The following GGA1 variants were observed in gnomAD, a reference collection of about 807,000 sequenced individuals.
GGA1 encodes ADP-ribosylation factor-binding protein GGA1.
Under a neutral mutation model 76.9 loss-of-function variants are expected in GGA1, and 18 were observed. The observed-to-expected ratio is 0.23, with a 90% CI of 0.16 to 0.35. The LOEUF is 0.35. Among genes scored for constraint, GGA1 ranks in the 10% least tolerant of loss-of-function variants. GGA1 has a pLI of 1.00. For synonymous variants in GGA1, 342 were observed against 354.7 expected (o/e 0.96, Z 0.40); for missense variants, 755 against 859.0 (o/e 0.88, Z 1.51).
At chr22:37,612,348 T>G (rs915540911) in intron 1 of GGA1, among the ~76,000 whole-genome samples, 1 of 148,192 alleles carries the variant, frequency 6.7e-6, no homozygotes, top group African/African-American at 2.5e-5. Context: ...GGCGGGCACC[T>G]GTAGTCCCAG....
At chr22:37,612,327 C>T (rs1927808402) in intron 1 of GGA1, among the ~76,000 whole-genome samples, 1 of 148,028 alleles carries the variant, frequency 6.8e-6, no homozygotes, top group Non-Finnish European at 1.5e-5. Flanking sequence ...AAAAAATTAG[C>T]CGGGCGTGGT....
In GGA1 at chr22:37,616,990, C is replaced by T. The variant is rs1415654124; in HGVS notation, c.197C>T (p.Ala66Val). The T allele has an allele frequency of 6.2e-7, 1 of 1,605,732 alleles. No individual in the cohort carries two copies. Among genetic ancestry groups the T allele is most frequent in the South Asian group, 1.1e-5 (1 of 89,458 alleles). ...CCACAGGAGTGGGAGGCGATCCAGGCCTTGACGGTGAGAAGGGGAGAGGCC... is the reference window on the plus strand; with the variant it reads ...CCACAGGAGTGGGAGGCGATCCAGGTCTTGACGGTGAGAAGGGGAGAGGCC... Reference protein sequence around the residue: ...QSPQEWEAIQALTVLETCMKS... With the variant: ...QSPQEWEAIQVLTVLETCMKS... Residue 66 changes from alanine (A) to valine (V), a missense_variant, in exon 3 of 17, where the codon GCC becomes GTC. By Grantham distance (64) the Ala-to-Val change is moderately conservative (BLOSUM62 0). Transcript: ENST00000343632.
At chr22:37,629,397 C>A in intron 11 of GGA1, 65 bp from the exon 12 acceptor site, 1 of 1,151,474 alleles carries the variant, frequency 8.7e-7, no homozygotes, top group Non-Finnish European at 1.3e-6. Flanking sequence ...ACACATGGCC[C>A]CTCGGCTCTC....
intron 4 of GGA1, 76 bp downstream of exon 4, chr22:37,618,622 G>A: frequency 1.1e-6 from 1 of 906,426 alleles, no homozygotes; most frequent in Non-Finnish European, 1.8e-6. Context: ...AGATTGTGGA[G>A]CGACTTTTCC....
rs747962929 is a variant in GGA1 at position 37,616,982 on chromosome 22, G to T, written c.189G>T (p.Ala63=). Residue 63 remains alanine (A), a synonymous_variant, in exon 3 of 17, where the codon GCG becomes GCT. Coordinates refer to ENST00000343632, the MANE Select transcript of GGA1 (RefSeq NM_013365.5). ...TCCAGTCCCCACAGGAGTGGGAGGC[G>T]ATCCAGGCCTTGACGGTGAGAAGGG... is the stretch of plus-strand genomic sequence containing the variant. ...HKIQSPQEWE[A]IQALTVLETC... is the part of the protein sequence containing the mutation. 1.9e-6 allele frequency: 3 copies of T among 1,607,620 alleles called. No homozygotes were observed. The highest frequency in any genetic ancestry group is 1.7e-6 in the Non-Finnish European group (2 of 1,177,110).
In GGA1 at chr22:37,630,913, C is replaced by A; in HGVS notation, c.1342C>A (p.Gln448Lys). The change falls in exon 14 of 17, where the codon CAG becomes AAG. Residue 448 changes from glutamine to lysine, a missense_variant. Coordinates refer to ENST00000343632, the MANE Select transcript of GGA1 (RefSeq NM_013365.5). ...TGTCCCCCGATTAAGGGAGAAGCAG[C>A]AGCCAACCCCCCGGCTCACACTCCG... ...ESQQVRWEKQQPTPRLTLRDL... is the reference protein window; with the variant it reads ...ESQQVRWEKQKPTPRLTLRDL... 1 of 1,610,416 alleles carries A rather than the reference C, an allele frequency of 6.2e-7. No homozygotes were observed. Among genetic ancestry groups the A allele is most frequent in the Non-Finnish European group, 8.5e-7 (1 of 1,178,640 alleles).
In GGA1 at chr22:37,624,204, C is replaced by G; in HGVS notation, c.832+571C>G. 6.2e-6 allele frequency: 1 copy of G among 162,226 alleles called. No homozygotes were observed. The highest frequency in any genetic ancestry group is 1.4e-5 in the Non-Finnish European group (1 of 72,764). 10.0% of individuals were successfully genotyped at this position (162,226 alleles called of 1,614,324 possible). ...AGCCCCACCCACAAGGCTCACTGCC[C>G]AGATTGCCCCACACCCTGGCACCTG... On this transcript the variant is annotated intron_variant, in intron 9 of 16. Transcript: ENST00000343632. This position sits in a 1 kb window ranked among gnomAD's most constrained non-coding sequence, Gnocchi z 4.3.
Position 37,632,300 on chromosome 22 carries a change from C to A in GGA1, c.1699-105C>A, listed in dbSNP as rs1931961961. 6 of 1,299,452 alleles carry A rather than the reference C, an allele frequency of 4.6e-6. No homozygotes were observed. In the Admixed American group the frequency reaches 5.4e-5, roughly 12 times the overall value. The allele number at this position is 1,299,452 out of a possible 1,614,324, so 80.5% of individuals were successfully genotyped here. ...GTTGGTGTAGAAGGGACCAGAAGGA[C>A]TGAGCCCCAGGATCCCCGGAGGGGA... On this transcript the variant is annotated intron_variant, in intron 15 of 16. Transcript: ENST00000343632. This position sits in a 1 kb window ranked among gnomAD's most constrained non-coding sequence, Gnocchi z 5.1.
rs1366482027 is a variant in GGA1, at chr22:37,622,703, G to A, written c.610-624G>A. The stretch of plus-strand genomic sequence containing the variant: ...TGCTGAAAAAAAAGTTTCAAAGCTG[G>A]ATGTGGTGGCTCATGCCTGTAATCC... On this transcript the variant is annotated intron_variant, in intron 7 of 16. Transcript: ENST00000343632. Among the ~76,000 whole-genome samples, 3 of 152,350 alleles carry A rather than the reference G, an allele frequency of 2.0e-5. No homozygotes were observed. The East Asian group carries it at 5.8e-4, about 29-fold the overall frequency.
rs183234946 is a variant in GGA1 at position 37,619,035 on chromosome 22, C to G, written c.303+489C>G. On this transcript the variant is annotated intron_variant, in intron 4 of 16. Coordinates refer to ENST00000343632, the MANE Select transcript of GGA1 (RefSeq NM_013365.5). ...CAGACGGGCCATCCCCGGCTCAGCC[C>G]AAGGAGTCTTCCCACAGACCATGAA... Among the ~76,000 whole-genome samples the G allele has an allele frequency of 5.9e-4, 90 of 152,322 alleles. No individual in the cohort carries two copies. The East Asian group carries it at 0.015, about 26-fold the overall frequency.
At chr22:37,618,773 G>C (rs80204856) in intron 4 of GGA1, among the ~76,000 whole-genome samples, 2,926 of 152,344 alleles carry the variant, frequency 0.019, 101 homozygotes, top group African/African-American at 0.067. Flanking sequence ...AGGCTGGCCA[G>C]GGGCGGGGCA....
chr22:37,627,975 T>G (rs1931143966), intron 11 of GGA1, among the ~76,000 whole-genome samples: 2 of 152,258 alleles, frequency 1.3e-5, no homozygotes, highest in African/African-American at 4.8e-5. Context: ...TACAGGTGTG[T>G]GCCACCACAC....
intron 7 of GGA1, 54 bp downstream of exon 7, chr22:37,621,750 G>T: frequency 1.6e-6 from 2 of 1,225,478 alleles, no homozygotes; most frequent in Non-Finnish European, 1.2e-6. Context: ...TATTGAGCTG[G>T]GCCACTGAGA....
chr22:37,620,849 C>T lies in GGA1; in HGVS notation c.464C>T (p.Thr155Ile), dbSNP rs761255447. The change falls in exon 6 of 17, where the codon ACT becomes ATT. Residue 155 changes from threonine (T) to isoleucine (I), a missense_variant. Thr to Ile is a moderately conservative substitution (Grantham distance 89, BLOSUM62 -1). Transcript: ENST00000343632. ...VKSDPKLPDD[T>I]TFPLPPPRPK... Reference sequence around the variant, plus strand: ...TCCGACCCCAAGCTTCCAGATGACACTACCTTTCCCCTTCCTCCTCCACGG... The same window carrying T: ...TCCGACCCCAAGCTTCCAGATGACATTACCTTTCCCCTTCCTCCTCCACGG... 3.7e-6 allele frequency: 6 copies of T among 1,612,506 alleles called. No homozygotes were observed. The South Asian group carries it at 6.6e-5, about 18-fold the overall frequency.
At chr22:37,622,691 G>C (rs996927606) in intron 7 of GGA1, among the ~76,000 whole-genome samples, 12 of 152,280 alleles carry the variant, frequency 7.9e-5, no homozygotes, top group African/African-American at 2.6e-4. Flanking sequence ...TGAAAAAAAA[G>C]TTTCAAAGCT....
In GGA1 at chr22:37,625,147, T is replaced by G; in HGVS notation, c.940+71T>G. ...GGGGCACAGAGAGTGCAGGGTGGTG[T>G]GCTGGTCTCAGAGCGGCTGGAATGA... On this transcript the variant is annotated intron_variant, in intron 10 of 16. Coordinates refer to ENST00000343632, the MANE Select transcript of GGA1 (RefSeq NM_013365.5). This position sits in a 1 kb window ranked among gnomAD's most constrained non-coding sequence, Gnocchi z 4.1. The G allele has an allele frequency of 7.3e-7, 1 of 1,366,256 alleles. No individual in the cohort carries two copies. Among genetic ancestry groups the G allele is most frequent in the East Asian group, 2.5e-5 (1 of 39,790 alleles). The allele number at this position is 1,366,256 out of a possible 1,614,324, so 84.6% of individuals were successfully genotyped here.
In GGA1 at chr22:37,632,355, C is replaced by T. The variant is rs756074402; in HGVS notation, c.1699-50C>T. The T allele has an allele frequency of 7.0e-7, 1 of 1,434,044 alleles. No individual in the cohort carries two copies. Among genetic ancestry groups the T allele is most frequent in the Non-Finnish European group, 9.8e-7 (1 of 1,016,828 alleles). The allele number at this position is 1,434,044 out of a possible 1,614,324, so 88.8% of individuals were successfully genotyped here. ...GCAGGCTGGGCCTGGTTCCTCAGAG[C>T]AGGACAAGCAGCCAGGGCTAGCTGT... On this transcript the variant is annotated intron_variant, in intron 15 of 16. Coordinates refer to ENST00000343632, the MANE Select transcript of GGA1 (RefSeq NM_013365.5). The surrounding 1 kb of genome is among the most constrained non-coding windows in gnomAD (Gnocchi z 5.1).
At chr22:37,628,733 C>T (rs376908467) in intron 11 of GGA1, among the ~76,000 whole-genome samples, 3 of 152,210 alleles carry the variant, frequency 2.0e-5, no homozygotes, top group South Asian at 2.1e-4. Flanking sequence ...GGTAGCACTT[C>T]GGTTTGGACC....
At chr22:37,620,459 A>G (rs578009491) in intron 5 of GGA1, 98 bp downstream of exon 5, 2 of 1,304,682 alleles carry the variant, frequency 1.5e-6, no homozygotes, top group African/African-American at 2.9e-5. Context: ...TGAGCCAGCA[A>G]GGTCATGGGT....
Sources: allele counts gnomAD v4.1 joint callset (sites outside exome capture counted in the v4.1 genomes callset), GRCh38; gene constraint gnomAD v4.1.1; non-coding constraint Gnocchi (gnomAD v3.1); transcripts MANE v1.5; gene names NCBI Gene and HGNC (gene_info 2026-07-23, HGNC 2026-07-21).